The following SLC28A1 variants were observed in gnomAD, a reference collection of about 807,000 sequenced individuals.
The protein encoded by SLC28A1 is solute carrier family 28 member 1.
SLC28A1 carries 64 observed loss-of-function variants against 74.8 expected under a neutral mutation model. The observed-to-expected ratio is 0.86, with a 90% confidence interval of 0.70 to 1.05. The LOEUF (loss-of-function observed/expected upper bound fraction) is 1.05, where lower values mean the gene tolerates loss of function less well. SLC28A1 is among the 50% of genes least tolerant of loss of function. The pLI, the probability that SLC28A1 is intolerant of heterozygous loss-of-function variation, is 0.00. For missense variants in SLC28A1, 828 were observed against 822.8 expected, an observed-to-expected ratio of 1.01 and a Z score of -0.08; for synonymous variants, 359 against 335.0, an observed-to-expected ratio of 1.07 and a Z score of -0.78.
intron 10 of SLC28A1, 73 bp from the exon 11 acceptor site, chr15:84,920,916 C>T: frequency 1.7e-6 from 2 of 1,175,996 alleles, no homozygotes. Flanking sequence ...TGTGTAAGGT[C>T]TTCCACTCCA....
At chr15:84,975,416 A>G in the SLC28A1 span, 2 of 452,744 alleles carry the variant, frequency 4.4e-6, no homozygotes, top group East Asian at 1.4e-4. Context: ...CATCTCGACA[A>G]CATTAGATAA....
the SLC28A1 span, among the ~76,000 whole-genome samples, chr15:84,962,175 G>T: frequency 5.9e-5 from 9 of 152,120 alleles, 1 homozygote; most frequent in South Asian, 1.9e-3. Context: ...CCTGAGCTCA[G>T]GTGATCCTCC....
chr15:84,935,623 C>T, intron 15 of SLC28A1, 105 bp downstream of exon 15: 1 of 959,784 alleles, frequency 1.0e-6, no homozygotes, highest in Non-Finnish European at 1.6e-6. Flanking sequence ...GGCTGAGACA[C>T]ACTGAAGTGG....
At chr15:84,910,994 G>A (rs555614857) in intron 9 of SLC28A1, among the ~76,000 whole-genome samples, 4 of 152,328 alleles carry the variant, frequency 2.6e-5, no homozygotes, top group South Asian at 4.1e-4. Context: ...ATGTGCTGGC[G>A]TGTCCACAGT....
At position 84,944,592 on chromosome 15, in the gene SLC28A1, G is replaced by C. The variant is rs1410913981; in HGVS notation, c.1690G>C (p.Asp564His). ...CTCCATGGTCCCCCAACGGAAGAGC[G>C]ACTTCTCCCAGATAGTGCTCCGGGC... ...LTSMVPQRKS[D>H]FSQIVLRALF... Residue 564 changes from aspartate (D) to histidine (H), a missense_variant, in exon 17 of 19, where the codon GAC (aspartate) becomes CAC (histidine). Physicochemically the swap from Asp to His is moderately conservative, Grantham distance 81. Around this residue, in one of 3 missense-constraint regions of SLC28A1, gnomAD observed 767 missense variants for 753.5 expected, o/e 1.02. Transcript: ENST00000394573. The C allele has an allele frequency of 6.2e-7, 1 of 1,613,954 alleles. No homozygotes were observed. The highest frequency in any genetic ancestry group is 1.1e-5 in the South Asian group (1 of 91,070).
chr15:84,935,600 G>T, intron 15 of SLC28A1, 82 bp downstream of exon 15: 1 of 1,214,070 alleles, frequency 8.2e-7, no homozygotes, highest in Non-Finnish European at 1.2e-6. Context: ...CTGCTCTCCC[G>T]CTCCCTGGGC....
chr15:84,944,635 G>T lies in SLC28A1; in HGVS notation c.1733G>T (p.Cys578Phe), dbSNP rs117129656. The stretch of plus-strand genomic sequence containing the variant: ...CTCCGGGCGCTCTTCACGGGAGCCT[G>T]TGTGTCCCTGGTGAACGCCTGTATG... The part of the protein sequence containing the change: ...IVLRALFTGA[C>F]VSLVNACMAG... Residue 578 changes from cysteine to phenylalanine, a missense_variant, in exon 17 of 19, where the codon TGT becomes TTT. Coordinates refer to ENST00000394573, the MANE Select transcript of SLC28A1 (RefSeq NM_004213.5). 1.9e-6 allele frequency: 3 copies of T among 1,614,036 alleles called. No individual in the cohort carries two copies. The highest frequency in any genetic ancestry group is 2.2e-5 in the East Asian group (1 of 44,876).
At chr15:84,911,389 G>T (rs1968189063) in intron 9 of SLC28A1, among the ~76,000 whole-genome samples, 1 of 152,180 alleles carries the variant, frequency 6.6e-6, no homozygotes, top group African/African-American at 2.4e-5. Context: ...CTCCAGACAG[G>T]AGCAGTGTGT....
At position 84,905,550 on chromosome 15, in the gene SLC28A1, G is replaced by T. The variant is rs745450719; in HGVS notation, c.615G>T (p.Arg205Ser). 5.6e-6 allele frequency: 9 copies of T among 1,612,528 alleles called. No individual in the cohort carries two copies. In the South Asian group the frequency reaches 9.9e-5, roughly 18 times the overall value. Residue 205 changes from arginine to serine, a missense_variant, in exon 8 of 19, where the codon AGG (arginine) becomes AGT (serine). Around this residue, in one of 3 missense-constraint regions of SLC28A1, gnomAD observed 767 missense variants for 753.5 expected, o/e 1.02. Coordinates refer to ENST00000394573, the MANE Select transcript of SLC28A1 (RefSeq NM_004213.5). ...GGGTGGGGTGGTAGGTGTCCTGGAGGGCCGTGTCTTGGGGACTTGGACTGC... is the reference window on the plus strand; with the variant it reads ...GGGTGGGGTGGTAGGTGTCCTGGAGTGCCGTGTCTTGGGGACTTGGACTGC... ...CSKHHCAVSWRAVSWGLGLQF... is the reference protein window; with the variant it reads ...CSKHHCAVSWSAVSWGLGLQF...
intron 12 of SLC28A1, among the ~76,000 whole-genome samples, chr15:84,929,168 G>A (rs953823454): frequency 2.6e-5 from 4 of 152,104 alleles, no homozygotes; most frequent in Non-Finnish European, 5.9e-5. Context: ...TTGATTACAT[G>A]GGTGGAAAGA....
the SLC28A1 span, among the ~76,000 whole-genome samples, chr15:84,951,453 A>AG: frequency 1.7e-5 from 1 of 57,994 alleles, no homozygotes; most frequent in Non-Finnish European, 6.8e-5. Context: ...AAAAAAAAAA[A>AG]GAAGGAGTCT....
chr15:84,895,222 C>T (rs1449294632), intron 6 of SLC28A1, 99 bp downstream of exon 6: 10 of 1,579,730 alleles, frequency 6.3e-6, no homozygotes, highest in Non-Finnish European at 1.7e-6. Flanking sequence ...GAGGAAGGCT[C>T]TGTGTCATGG....
chr15:84,949,514 T>C (rs2079344640), downstream of SLC28A1, among the ~76,000 whole-genome samples: 1 of 150,736 alleles, frequency 6.6e-6, no homozygotes, highest in African/African-American at 2.4e-5. Context: ...GCCTCCCACC[T>C]CAGCCTCCCA....
chr15:84,888,784 C>G lies in SLC28A1; in HGVS notation c.109C>G (p.Leu37Val), dbSNP rs371089626. The G allele has an allele frequency of 8.8e-5, 137 of 1,553,296 alleles. No individual in the cohort carries two copies. Among genetic ancestry groups the G allele is most frequent in the Non-Finnish European group, 1.2e-4 (133 of 1,148,092 alleles). Residue 37 changes from leucine (L) to valine (V), a missense_variant, in exon 4 of 19, where the codon CTC becomes GTC. Leu to Val is a conservative substitution (Grantham distance 32). Coordinates refer to ENST00000394573, the MANE Select transcript of SLC28A1 (RefSeq NM_004213.5). ...DFLESLEEGQ[L>V]PRSDLSPAEI... ...CTGCGGGCTGTAGGAGGAAGGCCAG[C>G]TCCCTAGGAGTGACTTGAGCCCCGC...
intron 6 of SLC28A1, among the ~76,000 whole-genome samples, chr15:84,897,808 T>C (rs1047085545): frequency 6.6e-6 from 1 of 152,236 alleles, no homozygotes; most frequent in Non-Finnish European, 1.5e-5. Context: ...TCAGAGTCTC[T>C]GGTAACCACC....
At chr15:84,927,261 C>G (rs1651206814) in intron 12 of SLC28A1, among the ~76,000 whole-genome samples, 1 of 152,130 alleles carries the variant, frequency 6.6e-6, no homozygotes, top group Non-Finnish European at 1.5e-5. Flanking sequence ...AAAATCAGCT[C>G]ACAAAAGGGA....
chr15:84,945,511 T>G lies in SLC28A1; in HGVS notation c.*311T>G. 1 of 399,072 alleles carries G rather than the reference T, an allele frequency of 2.5e-6. No individual in the cohort carries two copies. Among genetic ancestry groups the G allele is most frequent in the Non-Finnish European group, 4.8e-6 (1 of 208,936 alleles). The allele number at this position is 399,072 out of a possible 1,614,324, so 24.7% of individuals were successfully genotyped here. A position where few individuals can be genotyped will look rare whatever the true frequency, so the allele number is the denominator to read the frequency against. On this transcript the variant is annotated 3_prime_UTR_variant, in exon 19 of 19. Transcript: ENST00000394573. ...CCAAACAGCACCCTGGTCCTCTCTA[T>G]CCCCCCTCTCCTGGGGTCCCTCACA... is the stretch of plus-strand genomic sequence containing the variant.
chr15:84,921,055 A>G lies in SLC28A1; in HGVS notation c.943A>G (p.Ile315Val). The change falls in exon 11 of 19, where the codon ATC becomes GTC. Residue 315 changes from isoleucine (I) to valine (V), a missense_variant. By Grantham distance (29) the Ile-to-Val change is conservative. Around this residue, in one of 3 missense-constraint regions of SLC28A1, gnomAD observed 767 missense variants for 753.5 expected, o/e 1.02. Coordinates refer to ENST00000394573, the MANE Select transcript of SLC28A1 (RefSeq NM_004213.5). ...ATETLSVAGN[I>V]FVSQTEAPLL... ...TGAGACCCTGAGTGTGGCTGGAAAC[A>G]TCTTTGTGAGCCAGGTGGGTATGGA... The G allele has an allele frequency of 6.2e-7, 1 of 1,613,756 alleles. No individual in the cohort carries two copies. Among genetic ancestry groups the G allele is most frequent in the East Asian group, 2.2e-5 (1 of 44,874 alleles).
chr15:84,913,469 C>T (rs1004965567), intron 9 of SLC28A1, among the ~76,000 whole-genome samples: 1 of 152,202 alleles, frequency 6.6e-6, no homozygotes, highest in Admixed American at 6.5e-5. Context: ...CTAATCTAGT[C>T]TCCAGGGCTG....
Sources: allele counts gnomAD v4.1 joint callset (sites outside exome capture counted in the v4.1 genomes callset), GRCh38; gene constraint gnomAD v4.1.1; regional missense constraint gnomAD v4.1.1; transcripts MANE v1.5; gene names NCBI Gene and HGNC (gene_info 2026-07-23, HGNC 2026-07-21).